TONSL: variants seen among roughly 807,000 people sequenced by gnomAD.
TONSL encodes the protein tonsoku like, DNA repair protein.
Under a neutral mutation model 147.1 loss-of-function variants are expected in TONSL, and 112 were observed. The ratio of observed to expected loss-of-function variants is 0.76; its 90% CI spans 0.65 to 0.89. The LOEUF is 0.89. Ranked by LOEUF, TONSL falls within the 40% of genes least tolerant of loss-of-function variation. The pLI is 0.00. For missense variants in TONSL, 1,883 were observed against 1,864.6 expected (o/e 1.01, Z -0.18); for synonymous variants, 868 against 801.5 (o/e 1.08, Z -1.40).
intron 13 of TONSL, among the ~76,000 whole-genome samples, chr8:144,437,311 G>A (rs538257929): frequency 7.2e-4 from 110 of 152,328 alleles, no homozygotes; most frequent in Middle Eastern, 6.8e-3. Flanking sequence ...CATATCCTCC[G>A]CCTCTGTGCC....
chr8:144,444,030 C>T lies in TONSL; in HGVS notation c.122-6G>A, dbSNP rs747308592. On this transcript the variant is annotated splice_region_variant and splice_polypyrimidine_tract_variant and intron_variant, in intron 2 of 25. Coordinates refer to ENST00000409379, the MANE Select transcript of TONSL (RefSeq NM_013432.5). ...CAGAGCCTCGGCGTAGCGGCCTAGG[C>T]GGGGGCACAGCACGGCCTGGCAGGC... 1.9e-5 allele frequency: 29 copies of T among 1,532,998 alleles called. No individual in the cohort carries two copies. The highest frequency in any genetic ancestry group is 2.5e-5 in the Non-Finnish European group (29 of 1,144,542). 95.0% of individuals were successfully genotyped at this position (1,532,998 alleles called of 1,614,324 possible).
intron 11 of TONSL, among the ~76,000 whole-genome samples, chr8:144,439,571 C>A (rs923465062): frequency 6.6e-6 from 1 of 152,222 alleles, no homozygotes; most frequent in East Asian, 1.9e-4. Flanking sequence ...CCCTGCACCA[C>A]GGCCAAGATG....
At position 144,442,540 on chromosome 8, in the gene TONSL, G is replaced by A. The variant is rs536697427; in HGVS notation, c.579-128C>T. 23 of 1,481,714 alleles carry A rather than the reference G, an allele frequency of 1.6e-5. No individual in the cohort carries two copies. In the African/African-American group the frequency reaches 1.8e-4, roughly 12 times the overall value. The allele number at this position is 1,481,714 out of a possible 1,614,324, so 91.8% of individuals were successfully genotyped here. On this transcript the variant is annotated intron_variant, in intron 5 of 25. Transcript: ENST00000409379. ...CATGCCTGGCCTTCTCCCAGTGTGT[G>A]GCACAGGTGTGAGAGGTGGGGGGAT... is the stretch of plus-strand genomic sequence containing the variant.
intron 17 of TONSL, 24 bp from the exon 18 acceptor site, chr8:144,435,574 TGA>T: frequency 6.4e-7 from 1 of 1,558,698 alleles, no homozygotes; most frequent in Non-Finnish European, 8.7e-7. Flanking sequence ...GCAGCAGGGC[TGA>T]GTCAGGAGCC....
Position 144,444,031 on chromosome 8 carries a change from G to A in TONSL, c.122-7C>T. On this transcript the variant is annotated splice_region_variant and splice_polypyrimidine_tract_variant and intron_variant, in intron 2 of 25. Transcript: ENST00000409379. Reference sequence around the variant, plus strand: ...AGAGCCTCGGCGTAGCGGCCTAGGCGGGGGCACAGCACGGCCTGGCAGGCG... The same window carrying A: ...AGAGCCTCGGCGTAGCGGCCTAGGCAGGGGCACAGCACGGCCTGGCAGGCG... The A allele has an allele frequency of 1.3e-6, 2 of 1,533,456 alleles. No individual in the cohort carries two copies. The highest frequency in any genetic ancestry group is 1.7e-6 in the Non-Finnish European group (2 of 1,144,866). The allele number at this position is 1,533,456 out of a possible 1,614,324, so 95.0% of individuals were successfully genotyped here. A position where few individuals can be genotyped will look rare whatever the true frequency, so the allele number is the denominator to read the frequency against.
In TONSL at chr8:144,429,193, C is replaced by T; in HGVS notation, c.4087G>A (p.Gly1363Ser). The change falls in exon 26 of 26, where the codon GGC becomes AGC. Residue 1363 changes from glycine (G) to serine (S), a missense_variant. Physicochemically the swap from Gly to Ser is moderately conservative, Grantham distance 56. Transcript: ENST00000409379. The part of the protein sequence containing the change: ...RQLQPSRPGP[G>S]ECTLDHGSKL... ...GAGCCGTGGTCCAGCGTGCACTCGC[C>T]GGGGCCCGGCCGACTGGGCTGCAGC... is the stretch of plus-strand genomic sequence containing the variant. 3 of 1,534,556 alleles carry T rather than the reference C, an allele frequency of 2.0e-6. No homozygotes were observed. The highest frequency in any genetic ancestry group is 1.7e-6 in the Non-Finnish European group (2 of 1,144,820).
chr8:144,434,838 G>A lies in TONSL; in HGVS notation c.3058C>T (p.Arg1020Cys), dbSNP rs777714078. 1.4e-5 allele frequency: 22 copies of A among 1,613,496 alleles called. No homozygotes were observed. The highest frequency in any genetic ancestry group is 3.3e-4 in the Middle Eastern group (2 of 6,054). The stretch of plus-strand genomic sequence containing the variant: ...TGCCCCAGGCTCTGGCAGGCCCTGC[G>A]GTAGCGGTCAGTCAACGGGGGCAGG... ...WDLPPLTDRY[R>C]RACQSLGQGE... is the part of the protein sequence containing the mutation. The change falls in exon 20 of 26, where the codon CGC (arginine) becomes TGC (cysteine). Residue 1020 changes from arginine to cysteine, a missense_variant. Arg to Cys is a radical substitution (Grantham distance 180). Transcript: ENST00000409379.
At chr8:144,432,535 C>T (rs937139072) in intron 22 of TONSL, 75 bp from the exon 23 acceptor site, 76 of 1,401,518 alleles carry the variant, frequency 5.4e-5, no homozygotes, top group Non-Finnish European at 6.7e-5. Context: ...GGCCCAGAAC[C>T]CTCAGGACCC....
At chr8:144,438,901 C>A (rs559015619) in intron 11 of TONSL, 166 bp from the exon 12 acceptor site, 4 of 688,528 alleles carry the variant, frequency 5.8e-6, no homozygotes, top group Non-Finnish European at 1.0e-5. Context: ...ATGGTCCCAG[C>A]GCTGCCTCCA....
rs782192983 is a variant in TONSL, at chr8:144,431,149, T to C, written c.3738A>G (p.Glu1246=). ...GGGTCAGGTGGGCTAGAGCACAGCC[T>C]TCCTGGACATGAGCAGAGGCCCAAG... is the stretch of plus-strand genomic sequence containing the variant. ...MEPVFRYLAK[E]GCALAHLTLS... Residue 1246 remains glutamate (E), a splice_region_variant and synonymous_variant, in exon 24 of 26, where the codon GAA becomes GAG. Coordinates refer to ENST00000409379, the MANE Select transcript of TONSL (RefSeq NM_013432.5). 6.2e-7 allele frequency: 1 copy of C among 1,613,958 alleles called. No individual in the cohort carries two copies. Among genetic ancestry groups the C allele is most frequent in the Non-Finnish European group, 8.5e-7 (1 of 1,179,976 alleles).
Position 144,434,850 on chromosome 8 carries a change from T to TCAA in TONSL, c.3043_3045dup (p.Leu1015dup). 6.2e-7 allele frequency: 1 copy of TCAA among 1,613,426 alleles called. No homozygotes were observed. The highest frequency in any genetic ancestry group is 8.5e-7 in the Non-Finnish European group (1 of 1,179,930). On this transcript the variant is annotated inframe_insertion, in exon 20 of 26. Transcript: ENST00000409379. ...TGGCAGGCCCTGCGGTAGCGGTCAGTCAACGGGGGCAGGTCCCACGAAGTC... is the reference window on the plus strand; with the variant it reads ...TGGCAGGCCCTGCGGTAGCGGTCAGTCAACAACGGGGGCAGGTCCCACGAAGTC...
At chr8:144,435,633 C>G (rs1193853718) in intron 17 of TONSL, 25 bp downstream of exon 17, 1 of 1,586,686 alleles carries the variant, frequency 6.3e-7, no homozygotes, top group Middle Eastern at 1.8e-4. Context: ...GGGGAGAGGG[C>G]TCTGCTCCAG....
At chr8:144,435,311 GC>G in intron 18 of TONSL, 141 bp from the exon 19 acceptor site, 1 of 1,271,686 alleles carries the variant, frequency 7.9e-7, no homozygotes, top group Non-Finnish European at 1.1e-6. Context: ...TCTCCCTGCA[GC>G]CCAGCACACC....
intron 22 of TONSL, 113 bp downstream of exon 22, chr8:144,433,475 C>A: frequency 7.6e-6 from 8 of 1,051,118 alleles, no homozygotes; most frequent in Non-Finnish European, 1.1e-5. Context: ...TCTCAAGTAG[C>A]TGGGACCACA....
At chr8:144,439,468 C>A (rs897625411) in intron 11 of TONSL, among the ~76,000 whole-genome samples, 5 of 152,184 alleles carry the variant, frequency 3.3e-5, no homozygotes, top group Non-Finnish European at 7.3e-5. Flanking sequence ...TGGAACACCC[C>A]CCAACAGGCC....
Position 144,431,056 on chromosome 8 carries a change from GGCAGCAGGGAAAGGGCGTTACCT to G in TONSL, c.3808_3809+21del, listed in dbSNP as rs1554878546. 1.2e-6 allele frequency: 2 copies of G among 1,613,842 alleles called. No individual in the cohort carries two copies. The highest frequency in any genetic ancestry group is 3.3e-5 in the Admixed American group (2 of 60,008). On this transcript the variant is annotated splice_donor_variant and splice_donor_5th_base_variant and coding_sequence_variant and intron_variant, in exon 24 of 26. Transcript: ENST00000409379. LOFTEE classifies it high-confidence loss of function. ...ATGAGATCAGACCCCCAGGTCAGCA[GGCAGCAGGGAAAGGGCGTTACCT>G]GCACAGGTCTCTAACAGCCTTGTCC...
intron 22 of TONSL, 105 bp from the exon 23 acceptor site, chr8:144,432,565 G>A (rs782117163): frequency 2.1e-4 from 246 of 1,165,864 alleles, no homozygotes; most frequent in African/African-American, 5.8e-4. Flanking sequence ...AACCACTACC[G>A]CAGTGCTCGC....
intron 18 of TONSL, 88 bp from the exon 19 acceptor site, chr8:144,435,258 C>T: frequency 2.8e-6 from 4 of 1,424,478 alleles, no homozygotes; most frequent in Non-Finnish European, 3.7e-6. Flanking sequence ...GGGCCAGAAG[C>T]CCCCTCAGCT....
Position 144,440,094 on chromosome 8 carries a change from C to T in TONSL, c.1407G>A (p.Glu469=), listed in dbSNP as rs1823649367. The change falls in exon 11 of 26, where the codon GAG becomes GAA. Residue 469 remains glutamate, a synonymous_variant. Transcript: ENST00000409379. Reference sequence around the variant, plus strand: ...CTGTGGCTGCCGCCTCCTCCGCCTCCTCCTCCTCATCTTCATCTTCAGCTA... The same window carrying T: ...CTGTGGCTGCCGCCTCCTCCGCCTCTTCCTCCTCATCTTCATCTTCAGCTA... ...LSVAEDEDEE[E]EAEEAAATAE... is the part of the protein sequence containing the mutation. 6.2e-7 allele frequency: 1 copy of T among 1,609,762 alleles called. No homozygotes were observed. The highest frequency in any genetic ancestry group is 1.7e-5 in the Admixed American group (1 of 59,686).
Sources: allele counts gnomAD v4.1 joint callset (sites outside exome capture counted in the v4.1 genomes callset), GRCh38; gene constraint gnomAD v4.1.1; transcripts MANE v1.5; gene names NCBI Gene and HGNC (gene_info 2026-07-23, HGNC 2026-07-21).